The following DAW1 variants were observed in gnomAD, a reference collection of about 807,000 sequenced individuals.
The protein encoded by DAW1 is dynein assembly factor with WD repeats 1.
In DAW1, 47 loss-of-function variants were observed where a neutral mutation model predicts 56.5. That is an observed-to-expected ratio of 0.83 (90% CI 0.66 to 1.06). DAW1 has a LOEUF of 1.06. Among genes scored for constraint, DAW1 ranks in the 50% least tolerant of loss-of-function variants. The pLI, the probability that DAW1 is intolerant of heterozygous loss-of-function variation, is 0.00. For missense variants in DAW1, 505 were observed against 499.3 expected, an observed-to-expected ratio of 1.01 and a Z score of -0.11; for synonymous variants, 190 against 179.0, an observed-to-expected ratio of 1.06 and a Z score of -0.49.
At chr2:227,888,755 T>C (rs1052493647) in intron 2 of DAW1, among the ~76,000 whole-genome samples, 1 of 152,258 alleles carries the variant, frequency 6.6e-6, no homozygotes, top group Non-Finnish European at 1.5e-5. Flanking sequence ...CTTTTTTGGA[T>C]GCTTCATGGT....
chr2:227,888,754 A>G (rs1390755739), intron 2 of DAW1, among the ~76,000 whole-genome samples: 1 of 152,120 alleles, frequency 6.6e-6, no homozygotes, highest in Admixed American at 6.6e-5. Context: ...TCTTTTTTGG[A>G]TGCTTCATGG....
intron 1 of DAW1, among the ~76,000 whole-genome samples, chr2:227,878,653 G>T (rs947402359): frequency 6.6e-6 from 1 of 152,160 alleles, no homozygotes; most frequent in Non-Finnish European, 1.5e-5. Context: ...GTTCCTAGGA[G>T]TTCGAGACTA....
rs80116620 is a variant in DAW1 at position 227,911,933 on chromosome 2, A to C, written c.973+4681A>C. On this transcript the variant is annotated intron_variant, in intron 10 of 12. Coordinates refer to ENST00000309931, the MANE Select transcript of DAW1 (RefSeq NM_178821.3). Reference sequence around the variant, plus strand: ...TGACCACAAATGGCAGCTACATTACATATGTGCCATCTCTCTGACACTTAT... The same window carrying C: ...TGACCACAAATGGCAGCTACATTACCTATGTGCCATCTCTCTGACACTTAT... Among the ~76,000 whole-genome samples, 33 of 152,278 alleles carry C rather than the reference A, an allele frequency of 2.2e-4. 1 individual carries two copies. The East Asian group carries it at 5.2e-3, about 24-fold the overall frequency.
rs939652445 is a variant in DAW1 at position 227,921,538 on chromosome 2, A to G, written c.1190A>G (p.Tyr397Cys). ...GAAATCTTTTCATGTGCTTTCAACT[A>G]TAAAGGCAACATAGTCATTACAGGT... ...TDEIFSCAFN[Y>C]KGNIVITGSK... Residue 397 changes from tyrosine to cysteine, a missense_variant, in exon 12 of 13, where the codon TAT (tyrosine) becomes TGT (cysteine). By Grantham distance (194) the Tyr-to-Cys change is radical. Coordinates refer to ENST00000309931, the MANE Select transcript of DAW1 (RefSeq NM_178821.3). 4.3e-6 allele frequency: 7 copies of G among 1,613,740 alleles called. No individual in the cohort carries two copies. In the African/African-American group the frequency reaches 8.0e-5, roughly 18 times the overall value.
Position 227,889,183 on chromosome 2 carries a change from A to T in DAW1, c.114-673A>T, listed in dbSNP as rs1055724584. Among the ~76,000 whole-genome samples, 7 of 152,208 alleles carry T rather than the reference A, an allele frequency of 4.6e-5. No homozygotes were observed. The East Asian group carries it at 1.3e-3, about 29-fold the overall frequency. On this transcript the variant is annotated intron_variant, in intron 2 of 12. Transcript: ENST00000309931. ...AGAAAGAAAAAGAGCTCATGTTCAGAACTAGTATGGACTAGGCCTTCCTAG... is the reference window on the plus strand; with the variant it reads ...AGAAAGAAAAAGAGCTCATGTTCAGTACTAGTATGGACTAGGCCTTCCTAG...
At chr2:227,888,179 C>T (rs1476018777) in intron 2 of DAW1, among the ~76,000 whole-genome samples, 1 of 152,150 alleles carries the variant, frequency 6.6e-6, no homozygotes, top group East Asian at 1.9e-4. Context: ...ACACCCAGTG[C>T]TAAAGCAATA....
chr2:227,895,499 A>G (rs1276762980), intron 5 of DAW1: 1 of 152,268 alleles, frequency 6.6e-6, no homozygotes. Context: ...TCCTGGTAAG[A>G]GTCTTTGGAG....
At chr2:227,894,396 A>G (rs1691358484) in intron 5 of DAW1, among the ~76,000 whole-genome samples, 1 of 152,128 alleles carries the variant, frequency 6.6e-6, no homozygotes, top group Non-Finnish European at 1.5e-5. Context: ...AGTCTGGGCA[A>G]CAGAGTGAGA....
At position 227,907,267 on chromosome 2, in the gene DAW1, C is replaced by A. The variant is rs760958342; in HGVS notation, c.973+15C>A. The A allele has an allele frequency of 4.4e-6, 7 of 1,593,834 alleles. No homozygotes were observed. The South Asian group carries it at 6.8e-5, about 15-fold the overall frequency. On this transcript the variant is annotated intron_variant, in intron 10 of 12. Coordinates refer to ENST00000309931, the MANE Select transcript of DAW1 (RefSeq NM_178821.3). ...TTCAGCTGATGGTAGGTGATCTGTT[C>A]ATTCTTTTAATTTTTGGAGAGATTT...
chr2:227,876,622 T>C, intron 1 of DAW1: 1 of 630,818 alleles, frequency 1.6e-6, no homozygotes, highest in Non-Finnish European at 2.3e-6. Context: ...ATTTTCGCCC[T>C]CCCACTTTCT....
In DAW1 at chr2:227,906,290, T is replaced by C; in HGVS notation, c.810T>C (p.Asn270=). The change falls in exon 9 of 13, where the codon AAT becomes AAC. Residue 270 remains asparagine (N), a synonymous_variant. Transcript: ENST00000309931. ...CTGAGATTAGCAGTGCCTCATTCAA[T>C]TGGGATTGCTCTCTAATATTAACTG... The part of the protein sequence containing the change: ...HCAEISSASF[N]WDCSLILTGS... The C allele has an allele frequency of 5.0e-6, 8 of 1,613,524 alleles. No homozygotes were observed. The highest frequency in any genetic ancestry group is 6.8e-6 in the Non-Finnish European group (8 of 1,179,626).
rs184036230 is a variant in DAW1, at chr2:227,889,699, C to T, written c.114-157C>T. 32 of 542,912 alleles carry T rather than the reference C, an allele frequency of 5.9e-5. No individual in the cohort carries two copies. The East Asian group carries it at 1.1e-3, about 18-fold the overall frequency. The allele number at this position is 542,912 out of a possible 1,614,324, so 33.6% of individuals were successfully genotyped here. On this transcript the variant is annotated intron_variant, in intron 2 of 12. Coordinates refer to ENST00000309931, the MANE Select transcript of DAW1 (RefSeq NM_178821.3). The stretch of plus-strand genomic sequence containing the variant: ...CTATTTACTGATTTGTATGATCCTC[C>T]CCGCCCCACCCCCAGATATCTCTTG...
Position 227,903,044 on chromosome 2 carries a change from G to A in DAW1, c.583G>A (p.Gly195Arg), listed in dbSNP as rs1691583810. Residue 195 changes from glycine (G) to arginine (R), a missense_variant, in exon 7 of 13, where the codon GGA becomes AGA. By Grantham distance (125) the Gly-to-Arg change is moderately radical. Transcript: ENST00000309931. ...CCCTCAAAGCACATTGGTGGCGACT[G>A]GAAGTATGGACACAACAGCCAAATT... ...FNPQSTLVAT[G>R]SMDTTAKLWD... 2 of 1,614,168 alleles carry A rather than the reference G, an allele frequency of 1.2e-6. No individual in the cohort carries two copies. Among genetic ancestry groups the A allele is most frequent in the Non-Finnish European group, 1.7e-6 (2 of 1,180,020 alleles).
At position 227,921,570 on chromosome 2, in the gene DAW1, G is replaced by A. The variant is rs1222542399; in HGVS notation, c.1213+9G>A. ...CAACATAGTCATTACAGGTATGGAA[G>A]ACATCAACACCATAGACTCATTTTT... is the stretch of plus-strand genomic sequence containing the variant. On this transcript the variant is annotated intron_variant, in intron 12 of 12. Transcript: ENST00000309931. 1.2e-6 allele frequency: 2 copies of A among 1,612,126 alleles called. No individual in the cohort carries two copies. The highest frequency in any genetic ancestry group is 1.7e-6 in the Non-Finnish European group (2 of 1,178,994).
intron 10 of DAW1, among the ~76,000 whole-genome samples, chr2:227,917,817 C>T (rs543182853): frequency 6.6e-6 from 1 of 152,140 alleles, no homozygotes; most frequent in East Asian, 1.9e-4. Flanking sequence ...CAGGTTTTGT[C>T]ATTTTTTGTA....
chr2:227,895,133 G>A (rs1005215160), intron 5 of DAW1, among the ~76,000 whole-genome samples: 10 of 152,104 alleles, frequency 6.6e-5, no homozygotes, highest in East Asian at 1.9e-4. Context: ...TGTTCTGCAC[G>A]TATGTTTAAG....
Position 227,871,710 on chromosome 2 carries a change from G to C in DAW1, c.21G>C (p.Leu7=). 6.2e-7 allele frequency: 1 copy of C among 1,613,928 alleles called. No individual in the cohort carries two copies. The highest frequency in any genetic ancestry group is 8.5e-7 in the Non-Finnish European group (1 of 1,179,920). The change falls in exon 1 of 13, where the codon CTG becomes CTC. Residue 7 remains leucine, a synonymous_variant. Coordinates refer to ENST00000309931, the MANE Select transcript of DAW1 (RefSeq NM_178821.3). MKLKSL[L]LRYYPPGIML... ...AGAAAATGAAGCTCAAGAGCCTCCT[G>C]CTCCGGTATTACCCGCCAGGTACGC...
At chr2:227,882,227 C>G (rs1691027696) in intron 1 of DAW1, among the ~76,000 whole-genome samples, 1 of 152,252 alleles carries the variant, frequency 6.6e-6, no homozygotes, top group Non-Finnish European at 1.5e-5. Context: ...CCCTTGAACA[C>G]TTTCAGCAGG....
rs530454882 is a variant in DAW1, at chr2:227,876,295, C to A, written c.40+4566C>A. 1.6e-3 allele frequency: 833 copies of A among 522,360 alleles called. 2 individuals are homozygous for A. Among genetic ancestry groups the A allele is most frequent in the Admixed American group, 2.2e-3 (57 of 25,470 alleles). The allele number at this position is 522,360 out of a possible 1,614,324, so 32.4% of individuals were successfully genotyped here. A position where few individuals can be genotyped will look rare whatever the true frequency, so the allele number is the denominator to read the frequency against. On this transcript the variant is annotated intron_variant, in intron 1 of 12. Transcript: ENST00000309931. ...TTGGCCTCCCAAAGTGCTGGGATGA[C>A]AGGCGTGAGCCACTGTGCCCGGCCA...
Sources: allele counts gnomAD v4.1 joint callset (sites outside exome capture counted in the v4.1 genomes callset), GRCh38; gene constraint gnomAD v4.1.1; transcripts MANE v1.5; gene names NCBI Gene and HGNC (gene_info 2026-07-23, HGNC 2026-07-21).